Variants in MYH15 observed in about 807,000 individuals in gnomAD.
MYH15 encodes the protein myosin heavy chain 15.
MYH15 carries 227 observed loss-of-function variants against 240.5 expected under a neutral mutation model. The observed-to-expected ratio is 0.94, with a 90% confidence interval of 0.85 to 1.05. The LOEUF (loss-of-function observed/expected upper bound fraction) is 1.05. Ranked by LOEUF, MYH15 falls within the 50% of genes least tolerant of loss-of-function variation. The pLI is 0.00. For synonymous variants in MYH15, 785 were observed against 796.7 expected (o/e 0.99, Z 0.25); for missense variants, 2,217 against 2,247.5 (o/e 0.99, Z 0.27).
At chr3:108,464,266 C>T (rs191720569) in intron 15 of MYH15, among the ~76,000 whole-genome samples, 54 of 152,150 alleles carry the variant, frequency 3.5e-4, no homozygotes, top group African/African-American at 1.1e-3. Flanking sequence ...TATTTCTTTA[C>T]GGGAGAATAA....
chr3:108,508,255 C>T (rs2083493738), intron 1 of MYH15, among the ~76,000 whole-genome samples: 1 of 152,180 alleles, frequency 6.6e-6, no homozygotes, highest in African/African-American at 2.4e-5. Flanking sequence ...CCTGGAAACA[C>T]TTAGTGGGGA....
intron 33 of MYH15, among the ~76,000 whole-genome samples, chr3:108,401,293 T>G (rs1230833165): frequency 4.6e-5 from 7 of 152,142 alleles, no homozygotes; most frequent in Non-Finnish European, 1.0e-4. Flanking sequence ...ATGGGACTAG[T>G]TAGCATCCTT....
chr3:108,471,073 G>GAGGAAGGA (rs1560402994), intron 12 of MYH15, among the ~76,000 whole-genome samples: 18 of 127,970 alleles, frequency 1.4e-4, no homozygotes, highest in East Asian at 5.3e-4. Context: ...GGGAGGGAGG[G>GAGGAAGGA]AGGAAGGAAG....
chr3:108,489,572 T>C (rs1161070168), intron 9 of MYH15, among the ~76,000 whole-genome samples: 8 of 152,118 alleles, frequency 5.3e-5, no homozygotes, highest in South Asian at 2.1e-4. Flanking sequence ...CATGGCCATG[T>C]AGAGGTCAAA....
At chr3:108,474,522 T>C (rs2083204190) in intron 12 of MYH15, among the ~76,000 whole-genome samples, 1 of 151,136 alleles carries the variant, frequency 6.6e-6, no homozygotes, top group Admixed American at 6.6e-5. Context: ...TAAATAATTA[T>C]ATATATTTAT....
rs1449143215 is a variant in MYH15, at chr3:108,430,909, A to G, written c.3235T>C (p.Leu1079=). Residue 1079 remains leucine (L), a synonymous_variant, in exon 26 of 41, where the codon TTG becomes CTG. Transcript: ENST00000693548. ...TCCACTTTTGAATTCATCTGACTCA[A>G]TTCTAATTCTTTTCTGTTTAGAAAA... ...AEELRKKELE[L]SQMNSKVENE... 3 of 1,608,776 alleles carry G rather than the reference A, an allele frequency of 1.9e-6. No individual in the cohort carries two copies. The highest frequency in any genetic ancestry group is 1.7e-4 in the Middle Eastern group (1 of 6,052).
intron 1 of MYH15, among the ~76,000 whole-genome samples, chr3:108,519,273 T>C (rs1259282435): frequency 6.6e-6 from 1 of 152,184 alleles, no homozygotes; most frequent in Non-Finnish European, 1.5e-5. Context: ...TGGTATACCA[T>C]ATCAAGAAAA....
chr3:108,528,639 A>G lies in MYH15; in HGVS notation c.-58+624T>C, dbSNP rs1260337413. Among the ~76,000 whole-genome samples the G allele has an allele frequency of 2.0e-5, 3 of 152,220 alleles. No homozygotes were observed. The East Asian group carries it at 5.8e-4, about 29-fold the overall frequency. ...AGATGATCTAAGTTCTTGTGTTTAC[A>G]CAGAACTCTATGTGCTGGGTACTAT... On this transcript the variant is annotated intron_variant, in intron 1 of 41. Coordinates refer to the MYH15 transcript ENST00000273353.
chr3:108,505,645 AAAT>A, intron 2 of MYH15, 75 bp downstream of exon 2: 1 of 777,812 alleles, frequency 1.3e-6, no homozygotes, highest in South Asian at 3.3e-5. Flanking sequence ...TCTTTAATTA[AAAT>A]ATTATAGAAA....
chr3:108,460,382 AAAAG>A lies in MYH15; in HGVS notation c.1865-19_1865-16del. The A allele has an allele frequency of 6.4e-7, 1 of 1,568,766 alleles. No individual in the cohort carries two copies. The highest frequency in any genetic ancestry group is 2.0e-5 in the Admixed American group (1 of 50,802). On this transcript the variant is annotated splice_polypyrimidine_tract_variant and intron_variant, in intron 16 of 40. Transcript: ENST00000693548. ...AAATGGTATAGCTAGCAAAAAAAAA[AAAAG>A]AAAAAGATGAAAACATGTAAAAAGC...
At chr3:108,436,364 C>T (rs1251160058) in intron 25 of MYH15, among the ~76,000 whole-genome samples, 3 of 152,180 alleles carry the variant, frequency 2.0e-5, no homozygotes, top group Non-Finnish European at 4.4e-5. Flanking sequence ...CTTGTTTCAT[C>T]GTTTCTAAAC....
At chr3:108,462,386 G>C (rs1002092390) in intron 16 of MYH15, among the ~76,000 whole-genome samples, 2 of 151,976 alleles carry the variant, frequency 1.3e-5, no homozygotes, top group Non-Finnish European at 2.9e-5. Flanking sequence ...TTTCTACCTA[G>C]CCTTTTGCCA....
the MYH15 span, among the ~76,000 whole-genome samples, chr3:108,549,518 ATTAT>A: frequency 1.3e-5 from 2 of 152,182 alleles, no homozygotes; most frequent in Admixed American, 6.5e-5. Flanking sequence ...TAATGGGGTA[ATTAT>A]TTATATAGAT....
At chr3:108,519,272 A>G (rs1317935804) in intron 1 of MYH15, among the ~76,000 whole-genome samples, 1 of 152,246 alleles carries the variant, frequency 6.6e-6, no homozygotes, top group Admixed American at 6.5e-5. Context: ...CTGGTATACC[A>G]TATCAAGAAA....
intron 11 of MYH15, among the ~76,000 whole-genome samples, chr3:108,484,316 A>T (rs1196501313): frequency 6.6e-6 from 1 of 152,186 alleles, no homozygotes; most frequent in Non-Finnish European, 1.5e-5. Flanking sequence ...ATAAGAGTAT[A>T]GATTTTTTTA....
intron 12 of MYH15, among the ~76,000 whole-genome samples, chr3:108,475,138 T>C (rs555546462): frequency 2.2e-4 from 34 of 152,282 alleles, no homozygotes; most frequent in African/African-American, 7.5e-4. Context: ...TCATCATATA[T>C]AAGATGACTG....
In MYH15 at chr3:108,421,436, C is replaced by T. The variant is rs193232352; in HGVS notation, c.3703-222G>A. 3.9e-5 allele frequency among the ~76,000 whole-genome samples: 6 copies of T among 152,290 alleles called. No homozygotes were observed. In the East Asian group the frequency reaches 5.8e-4, roughly 15 times the overall value. ...TAAACTTTGCAGAGTATAGGTGTCA[C>T]GGGAGACACCCAACTTCCTGGGTAT... On this transcript the variant is annotated intron_variant, in intron 27 of 40. Coordinates refer to ENST00000693548, the MANE Select transcript of MYH15 (RefSeq NM_014981.3).
At chr3:108,530,177 T>G (rs1038944557), upstream of MYH15, among the ~76,000 whole-genome samples, 2 of 152,208 alleles carry the variant, frequency 1.3e-5, no homozygotes, top group African/African-American at 4.8e-5. Context: ...CTCTTGTCCT[T>G]TCTAGCAAAA....
In MYH15 at chr3:108,410,884, C is replaced by T. The variant is rs1180308575; in HGVS notation, c.4194G>A (p.Val1398=). 2 of 1,610,614 alleles carry T rather than the reference C, an allele frequency of 1.2e-6. No homozygotes were observed. Among genetic ancestry groups the T allele is most frequent in the African/African-American group, 2.7e-5 (2 of 74,874 alleles). The part of the protein sequence containing the change: ...RLQEAAEAMG[V]ANARNASLER... Reference sequence around the variant, plus strand: ...CCAAGGAGGCATTTCTGGCATTGGCCACCCCCATGGCTTCGGCTGCCTCCT... The same window carrying T: ...CCAAGGAGGCATTTCTGGCATTGGCTACCCCCATGGCTTCGGCTGCCTCCT... Residue 1398 remains valine, a synonymous_variant, in exon 31 of 41, where the codon GTG becomes GTA. Transcript: ENST00000693548.
Sources: allele counts gnomAD v4.1 joint callset (sites outside exome capture counted in the v4.1 genomes callset), GRCh38; gene constraint gnomAD v4.1.1; transcripts MANE v1.5; gene names NCBI Gene and HGNC (gene_info 2026-07-23, HGNC 2026-07-21).